ADAMTS18: variants seen among roughly 807,000 people sequenced by gnomAD.
ADAMTS18 encodes the protein ADAM metallopeptidase with thrombospondin type 1 motif 18.
A neutral mutation model predicts 165.9 loss-of-function variants in ADAMTS18; 157 were observed. That is an observed-to-expected ratio of 0.95 (90% CI 0.83 to 1.08). The LOEUF (loss-of-function observed/expected upper bound fraction) is 1.08. Among genes scored for constraint, ADAMTS18 ranks in the 50% least tolerant of loss-of-function variants. The pLI is 0.00. For missense variants in ADAMTS18, 2,040 were observed against 1,534.0 expected, an observed-to-expected ratio of 1.33 and a Z score of -5.51; for synonymous variants, 782 against 578.2, an observed-to-expected ratio of 1.35 and a Z score of -5.06.
chr16:77,316,004 T>C (rs1000751495), intron 16 of ADAMTS18, among the ~76,000 whole-genome samples: 14 of 152,178 alleles, frequency 9.2e-5, no homozygotes, highest in Non-Finnish European at 1.9e-4. Flanking sequence ...ATCCTCCAGA[T>C]GCTCAGGGAA....
chr16:77,370,967 G>C (rs1229187730), intron 3 of ADAMTS18, among the ~76,000 whole-genome samples: 1 of 152,104 alleles, frequency 6.6e-6, no homozygotes, highest in African/African-American at 2.4e-5. Context: ...TTTATACAAG[G>C]CTGGATGCAG....
chr16:77,295,105 T>C lies in ADAMTS18; in HGVS notation c.2824A>G (p.Thr942Ala), dbSNP rs2055443731. ...PAYWMPGEWS[T>A]CSKACAGGQQ... Reference sequence around the variant, plus strand: ...CCTCCAGCACAGGCCTTGCTGCATGTACTCCATTCACCTGGCATCCAGCTT... The same window carrying C: ...CCTCCAGCACAGGCCTTGCTGCATGCACTCCATTCACCTGGCATCCAGCTT... The change falls in exon 19 of 23, where the codon ACA becomes GCA. Residue 942 changes from threonine to alanine, a missense_variant. Thr to Ala is a moderately conservative substitution (Grantham distance 58). Coordinates refer to ENST00000282849, the MANE Select transcript of ADAMTS18 (RefSeq NM_199355.4). 4 of 1,614,100 alleles carry C rather than the reference T, an allele frequency of 2.5e-6. No individual in the cohort carries two copies. The highest frequency in any genetic ancestry group is 1.1e-5 in the South Asian group (1 of 91,096).
intron 3 of ADAMTS18, among the ~76,000 whole-genome samples, chr16:77,427,932 C>G (rs62043625): frequency 2.6e-5 from 4 of 152,216 alleles, no homozygotes; most frequent in Admixed American, 2.6e-4. Flanking sequence ...TACGTACATA[C>G]GTATTCACTA....
chr16:77,376,646 T>C (rs534032529), intron 3 of ADAMTS18, among the ~76,000 whole-genome samples: 1 of 152,288 alleles, frequency 6.6e-6, no homozygotes, highest in Non-Finnish European at 1.5e-5. Context: ...GAAATTCCAT[T>C]ATGTGACTTA....
intron 10 of ADAMTS18, among the ~76,000 whole-genome samples, chr16:77,347,111 G>T (rs1033711034): frequency 6.6e-6 from 1 of 152,174 alleles, no homozygotes; most frequent in Non-Finnish European, 1.5e-5. Context: ...GTTTTTGTGT[G>T]TATCAATAGT....
At chr16:77,323,481 G>C (rs925393521) in intron 13 of ADAMTS18, among the ~76,000 whole-genome samples, 2 of 151,660 alleles carry the variant, frequency 1.3e-5, no homozygotes, top group African/African-American at 4.9e-5. Flanking sequence ...TTGCACATGA[G>C]ATTAGGGAGT....
intron 7 of ADAMTS18, among the ~76,000 whole-genome samples, chr16:77,361,080 C>T (rs1401151309): frequency 7.5e-6 from 1 of 133,912 alleles, no homozygotes; most frequent in Admixed American, 7.4e-5. Flanking sequence ...GAACAAGACA[C>T]CATCTCAAAA....
Position 77,292,030 on chromosome 16 carries a change from G to T in ADAMTS18, c.3190-552C>A, listed in dbSNP as rs139612955. Among the ~76,000 whole-genome samples the T allele has an allele frequency of 2.4e-3, 364 of 152,302 alleles. 1 individual carries two copies. Among genetic ancestry groups the T allele is most frequent in the African/African-American group, 8.4e-3 (350 of 41,558 alleles). ...TAGGAAAAATATCCTTTTAGGCTGG[G>T]TGCAGTGGCTCAGGCCTGTAATCAC... On this transcript the variant is annotated intron_variant, in intron 20 of 22. Coordinates refer to ENST00000282849, the MANE Select transcript of ADAMTS18 (RefSeq NM_199355.4).
Position 77,300,363 on chromosome 16 carries a change from A to C in ADAMTS18, c.2574T>G (p.Tyr858Ter). The change falls in exon 17 of 23, where the codon TAT becomes TAG. Residue 858 changes from tyrosine to a stop codon, truncating the protein, a stop_gained. Coordinates refer to ENST00000282849, the MANE Select transcript of ADAMTS18 (RefSeq NM_199355.4). LOFTEE classifies it high-confidence loss of function. ...TTCCATTCATGACCTTGGGAAGTGC[A>C]TACTTCCAAGCTATCCCTGGATTTT... ...QGKNPGIAWK[Y>*]ALPKVMNGTP... The C allele has an allele frequency of 6.2e-7, 1 of 1,614,000 alleles. No individual in the cohort carries two copies. The highest frequency in any genetic ancestry group is 8.5e-7 in the Non-Finnish European group (1 of 1,179,910).
intron 3 of ADAMTS18, among the ~76,000 whole-genome samples, chr16:77,380,677 A>T (rs999234386): frequency 1.6e-4 from 25 of 152,172 alleles, no homozygotes; most frequent in Non-Finnish European, 3.2e-4. Flanking sequence ...AGCATTTATA[A>T]ATTAATCTCA....
intron 3 of ADAMTS18, among the ~76,000 whole-genome samples, chr16:77,402,642 C>G (rs2057345756): frequency 6.6e-6 from 1 of 152,188 alleles, no homozygotes; most frequent in South Asian, 2.1e-4. Context: ...TATTTACATG[C>G]CTTCCCTTCC....
chr16:77,421,681 T>C (rs544265575), intron 3 of ADAMTS18, among the ~76,000 whole-genome samples: 6 of 152,336 alleles, frequency 3.9e-5, no homozygotes, highest in South Asian at 2.1e-4. Context: ...AATATCACTG[T>C]TGGTAAGCCA....
At chr16:77,361,967 G>A in intron 7 of ADAMTS18, 138 bp downstream of exon 7, 1 of 964,208 alleles carries the variant, frequency 1.0e-6, no homozygotes, top group Non-Finnish European at 1.6e-6. Context: ...AGTCACCACA[G>A]GGTACATTAG....
intron 3 of ADAMTS18, among the ~76,000 whole-genome samples, chr16:77,375,998 G>T (rs1329271663): frequency 6.7e-6 from 1 of 148,980 alleles, no homozygotes; most frequent in Non-Finnish European, 1.5e-5. Context: ...CTGCCTCCCG[G>T]GTTCAAGCGA....
At chr16:77,428,915 C>T (rs185079493) in intron 3 of ADAMTS18, among the ~76,000 whole-genome samples, 2 of 152,148 alleles carry the variant, frequency 1.3e-5, no homozygotes, top group African/African-American at 4.8e-5. Flanking sequence ...AGGCATGTAT[C>T]CAACAGAATG....
At chr16:77,397,766 A>G (rs2057277151) in intron 3 of ADAMTS18, among the ~76,000 whole-genome samples, 1 of 152,250 alleles carries the variant, frequency 6.6e-6, no homozygotes, top group African/African-American at 2.4e-5. Flanking sequence ...ATTTCACATC[A>G]TATCCAGATG....
chr16:77,434,354 T>C, intron 2 of ADAMTS18, 64 bp downstream of exon 2: 1 of 1,518,116 alleles, frequency 6.6e-7, no homozygotes. Context: ...TTTCTCTCTT[T>C]GGGGGAAGGA....
intron 2 of ADAMTS18, among the ~76,000 whole-genome samples, chr16:77,433,027 TG>T (rs1337881063): frequency 1.3e-5 from 2 of 152,162 alleles, no homozygotes; most frequent in African/African-American, 2.4e-5. Context: ...TTTACAATAA[TG>T]GGGGGAAAAG....
At chr16:77,336,047 T>G (rs2056305728) in intron 11 of ADAMTS18, 143 bp from the exon 12 acceptor site, 1 of 1,016,840 alleles carries the variant, frequency 9.8e-7, no homozygotes, top group East Asian at 2.5e-5. Context: ...ATTCCTCTGC[T>G]GTGCTCTAAA....
Sources: allele counts gnomAD v4.1 joint callset (sites outside exome capture counted in the v4.1 genomes callset), GRCh38; gene constraint gnomAD v4.1.1; transcripts MANE v1.5; gene names NCBI Gene and HGNC (gene_info 2026-07-23, HGNC 2026-07-21).